Variants in ELK3 observed in about 807,000 individuals in gnomAD.
ELK3 encodes the protein ETS domain-containing protein Elk-3.
ELK3 carries 10 observed loss-of-function variants against 28.9 expected under a neutral mutation model. The ratio of observed to expected loss-of-function variants is 0.35; its 90% CI spans 0.21 to 0.59. The LOEUF is 0.59. ELK3 is among the 20% of genes least tolerant of loss of function. The pLI, the probability that ELK3 is intolerant of heterozygous loss-of-function variation, is 0.82. For missense variants in ELK3, 463 were observed against 517.3 expected (o/e 0.90, Z 1.02); for synonymous variants, 272 against 243.5 (o/e 1.12, Z -1.09).
chr12:96,208,982 G>T lies in ELK3; in HGVS notation c.-3+14277G>T, dbSNP rs774776162. On this transcript the variant is annotated intron_variant, in intron 1 of 4. Coordinates refer to ENST00000228741, the MANE Select transcript of ELK3 (RefSeq NM_005230.4). ...GCTGTGCAGACTTCCCGGTCCCCAG[G>T]ATCCCTTGGGGATCCTTCTGAGAGG... 2.6e-5 allele frequency among the ~76,000 whole-genome samples: 4 copies of T among 152,180 alleles called. No individual in the cohort carries two copies. The South Asian group carries it at 8.3e-4, about 32-fold the overall frequency.
At chr12:96,254,522 G>A (rs1357751389) in intron 3 of ELK3, among the ~76,000 whole-genome samples, 1 of 152,164 alleles carries the variant, frequency 6.6e-6, no homozygotes. Context: ...CCCTTGGCAA[G>A]AGTCAAACAT....
chr12:96,262,304 C>T (rs1435591870), intron 4 of ELK3, among the ~76,000 whole-genome samples: 5 of 152,170 alleles, frequency 3.3e-5, no homozygotes, highest in Non-Finnish European at 7.3e-5. Flanking sequence ...CAGGTGTAAG[C>T]CACCGTGCCT....
chr12:96,218,839 A>G (rs1951640801), intron 1 of ELK3, among the ~76,000 whole-genome samples: 1 of 151,964 alleles, frequency 6.6e-6, no homozygotes, highest in South Asian at 2.1e-4. Flanking sequence ...TAGTAGAGAC[A>G]GGGTTTCACT....
chr12:96,233,341 ACCCCGGGG>A (rs1465466682), intron 2 of ELK3, among the ~76,000 whole-genome samples: 1 of 151,776 alleles, frequency 6.6e-6, no homozygotes, highest in African/African-American at 2.4e-5. Flanking sequence ...TGAACATTCA[ACCCCGGGG>A]GAGGCTGAAA....
chr12:96,263,036 GA>G (rs1952005564), intron 4 of ELK3, among the ~76,000 whole-genome samples: 2 of 152,128 alleles, frequency 1.3e-5, no homozygotes, highest in South Asian at 4.2e-4. Flanking sequence ...AATGAAGGAA[GA>G]AAAAAATAGA....
intron 1 of ELK3, among the ~76,000 whole-genome samples, chr12:96,215,655 A>G (rs1279932287): frequency 6.9e-6 from 1 of 144,704 alleles, no homozygotes; most frequent in Admixed American, 6.9e-5. Flanking sequence ...TTTTTTAAAG[A>G]GAGATGGTCT....
intron 1 of ELK3, among the ~76,000 whole-genome samples, chr12:96,210,638 G>A (rs963890573): frequency 3.3e-5 from 5 of 150,882 alleles, no homozygotes; most frequent in Admixed American, 2.0e-4. Context: ...TCCAGAACAC[G>A]CAGCTTCTCA....
At chr12:96,243,400 T>C (rs146548483) in intron 2 of ELK3, among the ~76,000 whole-genome samples, 44 of 152,352 alleles carry the variant, frequency 2.9e-4, no homozygotes, top group African/African-American at 7.2e-4. Context: ...TATCATGTAA[T>C]ATCTGGCTGC....
rs769039540 is a variant in ELK3 at position 96,202,063 on chromosome 12, A to G, written c.-3+7358A>G. 5.9e-5 allele frequency among the ~76,000 whole-genome samples: 9 copies of G among 152,262 alleles called. 1 individual carries two copies. The South Asian group carries it at 6.2e-4, about 11-fold the overall frequency. On this transcript the variant is annotated intron_variant, in intron 1 of 4. Transcript: ENST00000228741. ...TCCTCCTTCCTTCTGATAGTCTTTG[A>G]AAGTGCTGTCTGCCCCCACTGCTGT... is the stretch of plus-strand genomic sequence containing the variant.
intron 3 of ELK3, among the ~76,000 whole-genome samples, chr12:96,249,304 C>T (rs2137034828): frequency 6.6e-6 from 1 of 152,332 alleles, no homozygotes; most frequent in Non-Finnish European, 1.5e-5. Context: ...GGCCACTGTC[C>T]TCTCCACGCT....
intron 1 of ELK3, among the ~76,000 whole-genome samples, chr12:96,204,406 C>T (rs1361282341): frequency 1.3e-5 from 2 of 152,114 alleles, no homozygotes; most frequent in African/African-American, 2.4e-5. Flanking sequence ...ATTCTGCTTA[C>T]GTGATTATGA....
At chr12:96,218,342 C>T (rs116977384) in intron 1 of ELK3, among the ~76,000 whole-genome samples, 1 of 152,276 alleles carries the variant, frequency 6.6e-6, no homozygotes, top group East Asian at 1.9e-4. Context: ...GACTGATGGG[C>T]CTCAGTATGA....
intron 1 of ELK3, among the ~76,000 whole-genome samples, chr12:96,200,083 A>C (rs550056339): frequency 6.6e-6 from 1 of 152,294 alleles, no homozygotes; most frequent in Admixed American, 6.5e-5. Flanking sequence ...ATTGATATAA[A>C]TGTACATATT....
At chr12:96,259,592 A>T in intron 3 of ELK3, 139 bp from the exon 4 acceptor site, 1 of 908,018 alleles carries the variant, frequency 1.1e-6, no homozygotes, top group South Asian at 2.0e-5. Flanking sequence ...CCTCAGAATT[A>T]ACGTTGCCAG....
At chr12:96,214,633 A>G (rs1951597798) in intron 1 of ELK3, among the ~76,000 whole-genome samples, 1 of 152,240 alleles carries the variant, frequency 6.6e-6, no homozygotes, top group South Asian at 2.1e-4. Context: ...CCTTTTTTAT[A>G]CACAGTGATA....
intron 3 of ELK3, among the ~76,000 whole-genome samples, chr12:96,253,090 G>A (rs1028080496): frequency 1.3e-4 from 20 of 152,108 alleles, no homozygotes; most frequent in African/African-American, 3.1e-4. Context: ...GCAAAACCCC[G>A]TCTCTACTAA....
Position 96,212,044 on chromosome 12 carries a change from C to T in ELK3, c.-2-11521C>T, listed in dbSNP as rs183560765. Among the ~76,000 whole-genome samples, 585 of 152,280 alleles carry T rather than the reference C, an allele frequency of 3.8e-3. 7 individuals are homozygous for T. Among genetic ancestry groups the T allele is most frequent in the African/African-American group, 0.013 (538 of 41,540 alleles). On this transcript the variant is annotated intron_variant, in intron 1 of 4. Transcript: ENST00000228741. ...GAGTTTTCTTGGGCGATAAGAACCT[C>T]AGTGTTGTTTCAGAAGGCAGAGTTG... is the stretch of plus-strand genomic sequence containing the variant.
chr12:96,221,685 G>T (rs575286396), intron 1 of ELK3, among the ~76,000 whole-genome samples: 1 of 152,170 alleles, frequency 6.6e-6, no homozygotes, highest in East Asian at 1.9e-4. Context: ...GTTGGGACTC[G>T]TCAGCTGCCA....
intron 2 of ELK3, among the ~76,000 whole-genome samples, chr12:96,243,542 G>T (rs1354709339): frequency 1.3e-5 from 2 of 151,992 alleles, no homozygotes; most frequent in African/African-American, 4.8e-5. Context: ...GGCCAACATG[G>T]TGAAACCCCG....
Sources: allele counts gnomAD v4.1 joint callset (sites outside exome capture counted in the v4.1 genomes callset), GRCh38; gene constraint gnomAD v4.1.1; transcripts MANE v1.5; gene names NCBI Gene and HGNC (gene_info 2026-07-23, HGNC 2026-07-21).